The following CDS1 variants were observed in gnomAD, a reference collection of about 807,000 sequenced individuals.
The protein encoded by CDS1 is phosphatidate cytidylyltransferase 1.
A neutral mutation model predicts 62.1 loss-of-function variants in CDS1; 41 were observed. That is an observed-to-expected ratio of 0.66 (90% confidence interval 0.51 to 0.86). CDS1 has a LOEUF of 0.86. CDS1 is among the 40% of genes least tolerant of loss of function. CDS1 has a pLI of 0.00. For synonymous variants in CDS1, 185 were observed against 192.6 expected (o/e 0.96, Z 0.32); for missense variants, 470 against 550.1 (o/e 0.85, Z 1.46).
Position 84,650,485 on chromosome 4 carries a change from C to T in CDS1, c.*1799C>T, listed in dbSNP as rs1354302449. ...TTGGTCATAAAAAAAATTTAGGCTA[C>T]CAAAGTTTAAAGAATAAAATGAAAA... On this transcript the variant is annotated 3_prime_UTR_variant, in exon 13 of 13. Coordinates refer to ENST00000295887, the MANE Select transcript of CDS1 (RefSeq NM_001263.4). 6.6e-6 allele frequency: 1 copy of T among 152,020 alleles called. No homozygotes were observed. The highest frequency in any genetic ancestry group is 1.5e-5 in the Non-Finnish European group (1 of 68,004). 9.4% of individuals were successfully genotyped at this position (152,020 alleles called of 1,614,324 possible). A position where few individuals can be genotyped will look rare whatever the true frequency, so the allele number is the denominator to read the frequency against.
intron 5 of CDS1, among the ~76,000 whole-genome samples, chr4:84,630,306 T>C (rs1441819821): frequency 2.0e-5 from 3 of 152,206 alleles, no homozygotes; most frequent in East Asian, 1.9e-4. Context: ...TGGCTTTCAT[T>C]TGTGCCTCCA....
chr4:84,595,606 G>A (rs1722724494), intron 1 of CDS1, among the ~76,000 whole-genome samples: 1 of 152,110 alleles, frequency 6.6e-6, no homozygotes, highest in Admixed American at 6.5e-5. Context: ...ATGTGAGGGG[G>A]CCAACCGTAC....
intron 5 of CDS1, among the ~76,000 whole-genome samples, chr4:84,625,308 C>G (rs1442722455): frequency 1.3e-5 from 2 of 152,110 alleles, no homozygotes; most frequent in Non-Finnish European, 2.9e-5. Context: ...TTTCCAAAAG[C>G]TAGATACTGT....
chr4:84,647,063 A>G (rs6856016), intron 12 of CDS1, among the ~76,000 whole-genome samples: 152,263 of 152,264 alleles, frequency 1, 76,131 homozygotes, highest in Non-Finnish European at 1. Flanking sequence ...TTGAATATTA[A>G]AATAGCAATA....
At chr4:84,642,253 G>T (rs894049537) in intron 10 of CDS1, among the ~76,000 whole-genome samples, 2 of 151,722 alleles carry the variant, frequency 1.3e-5, no homozygotes, top group Non-Finnish European at 2.9e-5. Flanking sequence ...TTGAACCTGG[G>T]AGGCGGAGGT....
intron 1 of CDS1, among the ~76,000 whole-genome samples, chr4:84,601,894 C>T (rs900555970): frequency 3.3e-5 from 5 of 151,994 alleles, no homozygotes; most frequent in Admixed American, 2.6e-4. Flanking sequence ...GCCTGGGTGG[C>T]CGAGTGAGAC....
At chr4:84,583,604 T>C in intron 1 of CDS1, 86 bp downstream of exon 1, 1 of 746,768 alleles carries the variant, frequency 1.3e-6, no homozygotes, top group Non-Finnish European at 2.1e-6. Context: ...GTGGGGCCCG[T>C]CCAGCGTCAG....
Position 84,643,069 on chromosome 4 carries a change from T to G in CDS1, c.1078T>G (p.Ser360Ala), listed in dbSNP as rs1464090284. The change falls in exon 11 of 13, where the codon TCA (serine) becomes GCA (alanine). Residue 360 changes from serine to alanine, a missense_variant. Coordinates refer to ENST00000295887, the MANE Select transcript of CDS1 (RefSeq NM_001263.4). ...TTTCCAGATCCACAGCATTGCACTG[T>G]CAACCTTTGCATCTTTAATTGGCCC... ...YPFQIHSIAL[S>A]TFASLIGPFG... The G allele has an allele frequency of 1.2e-6, 2 of 1,613,310 alleles. No individual in the cohort carries two copies. The highest frequency in any genetic ancestry group is 3.3e-5 in the Admixed American group (2 of 60,018).
At chr4:84,602,552 C>A (rs146194837) in intron 1 of CDS1, among the ~76,000 whole-genome samples, 106 of 152,262 alleles carry the variant, frequency 7.0e-4, no homozygotes, top group African/African-American at 2.4e-3. Flanking sequence ...GCTAGTAACT[C>A]CTGATTCCTA....
chr4:84,596,363 C>G (rs1368365095), intron 1 of CDS1, among the ~76,000 whole-genome samples: 2 of 152,148 alleles, frequency 1.3e-5, no homozygotes, highest in African/African-American at 2.4e-5. Context: ...TGAAGATGTC[C>G]CGGTAGGACC....
intron 8 of CDS1, among the ~76,000 whole-genome samples, chr4:84,635,764 T>A (rs1374789378): frequency 1.4e-5 from 2 of 141,972 alleles, no homozygotes; most frequent in African/African-American, 5.1e-5. Context: ...TTTCTTTCCT[T>A]TTTTTTTTTG....
intron 4 of CDS1, among the ~76,000 whole-genome samples, chr4:84,617,992 C>T (rs1723551683): frequency 6.6e-6 from 1 of 151,954 alleles, no homozygotes; most frequent in African/African-American, 2.4e-5. Context: ...AAAATATTTA[C>T]ATATAATCTT....
At chr4:84,584,742 T>C (rs557055610) in intron 1 of CDS1, among the ~76,000 whole-genome samples, 2 of 152,350 alleles carry the variant, frequency 1.3e-5, no homozygotes, top group Admixed American at 1.3e-4. Flanking sequence ...ATCAATGTAG[T>C]GACACTTTTC....
intron 3 of CDS1, among the ~76,000 whole-genome samples, chr4:84,611,543 G>A (rs1223247127): frequency 2.0e-5 from 3 of 151,968 alleles, no homozygotes; most frequent in Non-Finnish European, 4.4e-5. Context: ...AATTAGACAT[G>A]ATGAAAAAAA....
At chr4:84,595,079 G>A (rs187925555) in intron 1 of CDS1, among the ~76,000 whole-genome samples, 8 of 152,274 alleles carry the variant, frequency 5.3e-5, no homozygotes, top group African/African-American at 1.4e-4. Flanking sequence ...TTTTAGGAAA[G>A]GGGTGCATTG....
chr4:84,608,813 A>T (rs895586577), intron 2 of CDS1, among the ~76,000 whole-genome samples: 1 of 151,968 alleles, frequency 6.6e-6, no homozygotes, highest in African/African-American at 2.4e-5. Context: ...GGGATGCCTG[A>T]CTTTCACATC....
chr4:84,635,239 CTTTTT>C lies in CDS1; in HGVS notation c.723-13_723-9del. 9.7e-7 allele frequency: 1 copy of C among 1,035,174 alleles called. No individual in the cohort carries two copies. Among genetic ancestry groups the C allele is most frequent in the Non-Finnish European group, 1.4e-6 (1 of 714,094 alleles). The allele number at this position is 1,035,174 out of a possible 1,614,324, so 64.1% of individuals were successfully genotyped here. A position where few individuals can be genotyped will look rare whatever the true frequency, so the allele number is the denominator to read the frequency against. On this transcript the variant is annotated intron_variant, in intron 7 of 12. Transcript: ENST00000295887. ...ACTCAGGTGAACTTTTTTCTGCTGA[CTTTTT>C]TTTTTTTTTTTAAAAACAGGTTCCT...
At chr4:84,644,800 G>T (rs1724505171) in intron 11 of CDS1, among the ~76,000 whole-genome samples, 1 of 152,082 alleles carries the variant, frequency 6.6e-6, no homozygotes, top group African/African-American at 2.4e-5. Flanking sequence ...TTCAGAGTAA[G>T]AACTATTAGG....
chr4:84,635,649 T>G (rs1391614285), intron 8 of CDS1, among the ~76,000 whole-genome samples: 6 of 115,370 alleles, frequency 5.2e-5, no homozygotes, highest in Middle Eastern at 4.3e-3. Context: ...CTTCCTTCCT[T>G]CCTTCCTTCC....
Sources: gnomAD v4.1 joint callset for allele counts (sites outside exome capture counted in the v4.1 genomes callset) on GRCh38, gnomAD v4.1.1 for gene constraint, MANE v1.5 for transcripts, NCBI Gene and HGNC (gene_info 2026-07-23, HGNC 2026-07-21) for gene names.